TRPA1: variants seen among roughly 807,000 people sequenced by gnomAD.
TRPA1 encodes transient receptor potential cation channel subfamily A member 1.
TRPA1 carries 129 observed loss-of-function variants against 131.3 expected under a neutral mutation model. The observed-to-expected ratio is 0.98, with a 90% CI of 0.85 to 1.14. TRPA1 has a LOEUF of 1.14. Among genes scored for constraint, TRPA1 ranks in the 50% most tolerant of loss-of-function variants. TRPA1 has a pLI of 0.00. For missense variants in TRPA1, 1,304 were observed against 1,354.2 expected (o/e 0.96, Z 0.58); for synonymous variants, 441 against 451.7 (o/e 0.98, Z 0.30).
intron 16 of TRPA1, 68 bp from the exon 17 acceptor site, chr8:72,046,676 C>T: frequency 1.2e-6 from 1 of 807,576 alleles, no homozygotes; most frequent in Non-Finnish European, 2.0e-6. Flanking sequence ...CAAAGTAATT[C>T]TTGAAAAAAT....
intron 21 of TRPA1, among the ~76,000 whole-genome samples, chr8:72,035,873 C>G (rs1369995899): frequency 6.6e-6 from 1 of 151,938 alleles, no homozygotes; most frequent in Non-Finnish European, 1.5e-5. Context: ...CAGGGAACAT[C>G]TGGCATTGTC....
intron 10 of TRPA1, 149 bp from the exon 11 acceptor site, chr8:72,056,004 G>A (rs1805659374): frequency 1.4e-6 from 1 of 708,816 alleles, no homozygotes; most frequent in Non-Finnish European, 2.5e-6. Flanking sequence ...GGATTTGAGA[G>A]TAATATAAAT....
the TRPA1 span, among the ~76,000 whole-genome samples, chr8:72,085,097 A>G: frequency 5.3e-5 from 8 of 152,210 alleles, no homozygotes; most frequent in South Asian, 4.1e-4. Flanking sequence ...TAAATTTTCA[A>G]TGGCTAGGGA....
intron 17 of TRPA1, among the ~76,000 whole-genome samples, chr8:72,040,804 A>G (rs1329637619): frequency 6.6e-6 from 1 of 152,080 alleles, no homozygotes; most frequent in African/African-American, 2.4e-5. Flanking sequence ...GACACAGGGA[A>G]AAAGAGACAA....
chr8:72,023,646 G>T, intron 26 of TRPA1, 168 bp downstream of exon 26: 3 of 553,382 alleles, frequency 5.4e-6, no homozygotes, highest in Middle Eastern at 5.0e-4. Context: ...CAAATATGTT[G>T]TTGGTTCTAA....
At chr8:72,067,387 G>T (rs943140676) in intron 3 of TRPA1, among the ~76,000 whole-genome samples, 4 of 152,132 alleles carry the variant, frequency 2.6e-5, no homozygotes. Context: ...ACCAAATAAA[G>T]GAGAGTCAAT....
At chr8:72,070,531 G>A (rs1806036910) in intron 2 of TRPA1, among the ~76,000 whole-genome samples, 1 of 152,058 alleles carries the variant, frequency 6.6e-6, no homozygotes, top group African/African-American at 2.4e-5. Context: ...TTTTTATAGA[G>A]GTCACTGGAC....
rs144178003 is a variant in TRPA1, at chr8:72,065,786, C to T, written c.445-228G>A. 2.1e-3 allele frequency among the ~76,000 whole-genome samples: 320 copies of T among 152,250 alleles called. 3 individuals carry two copies. The highest frequency in any genetic ancestry group is 6.9e-3 in the African/African-American group (286 of 41,538). On this transcript the variant is annotated intron_variant, in intron 3 of 26. Transcript: ENST00000262209. ...CAACATCACAACAATCAAGGCAATA[C>T]TGAGTTCTGGAATTATAAATAAAAT...
At chr8:72,059,855 G>A (rs1805766162) in intron 7 of TRPA1, among the ~76,000 whole-genome samples, 1 of 152,140 alleles carries the variant, frequency 6.6e-6, no homozygotes, top group South Asian at 2.1e-4. Context: ...TCTTTGGGGG[G>A]CTTCTCTTTG....
chr8:72,035,401 A>G lies in TRPA1; in HGVS notation c.2555+887T>C, dbSNP rs539622127. Among the ~76,000 whole-genome samples the G allele has an allele frequency of 3.3e-5, 5 of 152,304 alleles. No individual in the cohort carries two copies. The East Asian group carries it at 5.8e-4, about 18-fold the overall frequency. On this transcript the variant is annotated intron_variant, in intron 21 of 26. Transcript: ENST00000262209. Reference sequence around the variant, plus strand: ...TCAACTCTATCACTGTGCTTATGACACAGCAATGCAGAAGATATATGGTGA... The same window carrying G: ...TCAACTCTATCACTGTGCTTATGACGCAGCAATGCAGAAGATATATGGTGA...
chr8:72,029,104 G>T (rs1209025944), intron 24 of TRPA1, among the ~76,000 whole-genome samples: 2 of 152,152 alleles, frequency 1.3e-5, no homozygotes, highest in Admixed American at 1.3e-4. Context: ...CAAATACCTA[G>T]CCAGGAAACT....
At chr8:72,089,449 A>T in the TRPA1 span, among the ~76,000 whole-genome samples, 1 of 152,120 alleles carries the variant, frequency 6.6e-6, no homozygotes, top group Non-Finnish European at 1.5e-5. Context: ...TAATAATTTT[A>T]TTATATGTGG....
intron 22 of TRPA1, 89 bp from the exon 23 acceptor site, chr8:72,033,915 C>T: frequency 7.7e-7 from 1 of 1,296,862 alleles, no homozygotes; most frequent in Non-Finnish European, 1.1e-6. Context: ...AAACTATATT[C>T]AGAATACTTT....
At chr8:72,039,823 A>C (rs766035552) in intron 17 of TRPA1, 26 bp from the exon 18 acceptor site, 1 of 1,472,872 alleles carries the variant, frequency 6.8e-7, no homozygotes, top group Admixed American at 1.7e-5. Context: ...AAGTGTAATA[A>C]AAACACAATC....
At chr8:72,060,890 G>C (rs1188353559) in intron 7 of TRPA1, among the ~76,000 whole-genome samples, 5 of 148,970 alleles carry the variant, frequency 3.4e-5, no homozygotes, top group Non-Finnish European at 7.4e-5. Context: ...AGATACTGTA[G>C]AATTCCAGGT....
chr8:72,025,986 T>A lies in TRPA1; in HGVS notation c.3025A>T (p.Lys1009Ter). The A allele has an allele frequency of 6.2e-7, 1 of 1,613,950 alleles. No homozygotes were observed. The highest frequency in any genetic ancestry group is 1.3e-5 in the African/African-American group (1 of 75,038). ...DQKSTIVYPN[K>*]PRSGGMLFHI... ...AATAACATCCCACCAGATCTGGGTT[T>A]GTTGGGATACACGATGGTGGATTTC... The change falls in exon 25 of 27, where the codon AAA becomes TAA. Residue 1009 changes from lysine (K) to a stop codon, truncating the protein, a stop_gained. Transcript: ENST00000262209. LOFTEE classifies it high-confidence loss of function.
chr8:72,039,319 C>T (rs1812165860), intron 18 of TRPA1, among the ~76,000 whole-genome samples: 1 of 151,978 alleles, frequency 6.6e-6, no homozygotes, highest in Non-Finnish European at 1.5e-5. Context: ...TCATTGTCAG[C>T]TAAATTTCAG....
intron 17 of TRPA1, among the ~76,000 whole-genome samples, chr8:72,044,891 T>G (rs1208844958): frequency 1.3e-5 from 2 of 152,054 alleles, no homozygotes; most frequent in African/African-American, 4.8e-5. Flanking sequence ...CTATTTTATT[T>G]AAATTATACT....
intron 24 of TRPA1, among the ~76,000 whole-genome samples, chr8:72,027,392 G>A (rs929149378): frequency 1.3e-5 from 2 of 152,152 alleles, no homozygotes; most frequent in African/African-American, 2.4e-5. Context: ...CCTCTAACTG[G>A]TGGGGTTTCC....
Sources: allele counts gnomAD v4.1 joint callset (sites outside exome capture counted in the v4.1 genomes callset), GRCh38; gene constraint gnomAD v4.1.1; transcripts MANE v1.5; gene names NCBI Gene and HGNC (gene_info 2026-07-23, HGNC 2026-07-21).